The following MAP3K13 variants were observed in gnomAD, a reference collection of about 807,000 sequenced individuals.
MAP3K13 encodes mitogen-activated protein kinase kinase kinase 13, also known as leucine zipper-bearing kinase.
A neutral mutation model predicts 104.0 loss-of-function variants in MAP3K13; 52 were observed. The ratio of observed to expected loss-of-function variants is 0.50; its 90% CI spans 0.40 to 0.63. MAP3K13 has a LOEUF of 0.63. Among genes scored for constraint, MAP3K13 ranks in the 20% least tolerant of loss-of-function variants. The probability of loss-of-function intolerance (pLI) is 0.00; values close to 1 mark genes in which losing one functional copy is unlikely to be tolerated. For missense variants in MAP3K13, 914 were observed against 1,218.5 expected, an observed-to-expected ratio of 0.75 and a Z score of 3.72; for synonymous variants, 394 against 442.2, an observed-to-expected ratio of 0.89 and a Z score of 1.37.
chr3:185,453,882 GAT>G (rs1333206400), intron 7 of MAP3K13, among the ~76,000 whole-genome samples: 1 of 72,478 alleles, frequency 1.4e-5, no homozygotes, highest in Admixed American at 1.8e-4. Context: ...ATATATATGA[GAT>G]ATATATGTGA....
chr3:185,444,116 CTT>C (rs1715469892), intron 4 of MAP3K13, among the ~76,000 whole-genome samples: 1 of 152,146 alleles, frequency 6.6e-6, no homozygotes, highest in Admixed American at 6.5e-5. Flanking sequence ...GGGTGGATCA[CTT>C]GAGATCAGGA....
chr3:185,371,810 G>A (rs927340304), intron 1 of MAP3K13, among the ~76,000 whole-genome samples: 1 of 152,090 alleles, frequency 6.6e-6, no homozygotes, highest in South Asian at 2.1e-4. Flanking sequence ...CCTAAAGGGG[G>A]GCTGTCACAG....
intron 2 of MAP3K13, among the ~76,000 whole-genome samples, chr3:185,313,513 C>T (rs988345972): frequency 2.0e-5 from 3 of 151,918 alleles, no homozygotes; most frequent in Non-Finnish European, 4.4e-5. Flanking sequence ...TCGTGATCTG[C>T]CCACCTCGGC....
chr3:185,451,031 A>G (rs1349941125), intron 6 of MAP3K13, among the ~76,000 whole-genome samples: 1 of 152,208 alleles, frequency 6.6e-6, no homozygotes, highest in African/African-American at 2.4e-5. Flanking sequence ...CGGAGCTTGC[A>G]GTGAGCTGAG....
At chr3:185,342,220 C>T (rs546749293) in intron 2 of MAP3K13, among the ~76,000 whole-genome samples, 24 of 152,216 alleles carry the variant, frequency 1.6e-4, no homozygotes, top group African/African-American at 4.1e-4. Context: ...CATGCTGCTC[C>T]GAGATTCCTG....
intron 1 of MAP3K13, among the ~76,000 whole-genome samples, chr3:185,396,238 G>A (rs375224028): frequency 6.6e-6 from 1 of 152,044 alleles, no homozygotes; most frequent in African/African-American, 2.4e-5. Flanking sequence ...TGGCGTGGTG[G>A]TGCGCATCTG....
At position 185,465,750 on chromosome 3, in the gene MAP3K13, T is replaced by C. The variant is rs1717373496; in HGVS notation, c.1392T>C (p.His464=). Residue 464 remains histidine (H), a synonymous_variant, in exon 9 of 14, where the codon CAT becomes CAC. Coordinates refer to ENST00000265026, the MANE Select transcript of MAP3K13 (RefSeq NM_004721.5). ...LIRRRREELR[H]ALDIREHYER... is the part of the protein sequence containing the mutation. ...GACCCTGTGTTTTCTCTGACAGGCA[T>C]GCGCTGGATATTCGTGAACACTATG... 1 of 1,612,342 alleles carries C rather than the reference T, an allele frequency of 6.2e-7. No individual in the cohort carries two copies. The highest frequency in any genetic ancestry group is 8.5e-7 in the Non-Finnish European group (1 of 1,178,400).
chr3:185,482,558 G>T lies in MAP3K13; in HGVS notation c.*102G>T. The T allele has an allele frequency of 2.4e-6, 2 of 846,018 alleles. No homozygotes were observed. Among genetic ancestry groups the T allele is most frequent in the Non-Finnish European group, 3.9e-6 (2 of 514,310 alleles). 52.4% of individuals were successfully genotyped at this position (846,018 alleles called of 1,614,324 possible). A position where few individuals can be genotyped will look rare whatever the true frequency, so the allele number is the denominator to read the frequency against. ...TCTCTCCCAGCATTTTGTCTGGGAA[G>T]AGAGACTACCCCATCTTTACCACCC... On this transcript the variant is annotated 3_prime_UTR_variant, in exon 14 of 14. Coordinates refer to ENST00000265026, the MANE Select transcript of MAP3K13 (RefSeq NM_004721.5). The surrounding 1 kb of genome is among the most constrained non-coding windows in gnomAD (Gnocchi z 4.5).
intron 1 of MAP3K13, among the ~76,000 whole-genome samples, chr3:185,405,498 G>C (rs958673863): frequency 1.3e-5 from 2 of 152,292 alleles, no homozygotes; most frequent in Middle Eastern, 6.8e-3. Context: ...CTTCCAGACT[G>C]TTTGCTATTC....
At chr3:185,422,261 C>A (rs1257509722) in intron 1 of MAP3K13, among the ~76,000 whole-genome samples, 1 of 152,174 alleles carries the variant, frequency 6.6e-6, no homozygotes. Flanking sequence ...AACAACCATG[C>A]TAGTGGAAGG....
chr3:185,452,157 T>A (rs1312632329), intron 7 of MAP3K13, among the ~76,000 whole-genome samples: 1 of 152,150 alleles, frequency 6.6e-6, no homozygotes, highest in Non-Finnish European at 1.5e-5. Flanking sequence ...ACCTAGTAGC[T>A]CCAAGTAAGT....
chr3:185,351,916 T>C (rs746263825), intron 2 of MAP3K13, among the ~76,000 whole-genome samples: 1 of 152,194 alleles, frequency 6.6e-6, no homozygotes, highest in Non-Finnish European at 1.5e-5. Context: ...CTTCTATTTG[T>C]TCTGCCATTG....
At chr3:185,374,960 C>T (rs946568052) in intron 1 of MAP3K13, among the ~76,000 whole-genome samples, 2 of 152,146 alleles carry the variant, frequency 1.3e-5, no homozygotes, top group East Asian at 3.8e-4. Flanking sequence ...AACAGGACTT[C>T]ATCAGGGTGA....
At chr3:185,421,387 G>A (rs1449424842) in intron 1 of MAP3K13, among the ~76,000 whole-genome samples, 2 of 151,906 alleles carry the variant, frequency 1.3e-5, no homozygotes, top group African/African-American at 2.4e-5. Context: ...TAGTAGAGAT[G>A]GGGTTTCACC....
chr3:185,296,249 C>T (rs749206239), intron 2 of MAP3K13, among the ~76,000 whole-genome samples: 1 of 152,060 alleles, frequency 6.6e-6, no homozygotes, highest in Non-Finnish European at 1.5e-5. Context: ...GTCTCAAACA[C>T]ACAAACCAAA....
At chr3:185,397,950 A>G (rs1712527228) in intron 1 of MAP3K13, among the ~76,000 whole-genome samples, 2 of 152,180 alleles carry the variant, frequency 1.3e-5, no homozygotes, top group Non-Finnish European at 2.9e-5. Context: ...AGGGCTGCAC[A>G]TAAAGGGAAC....
Position 185,344,752 on chromosome 3 carries a change from A to G in MAP3K13, c.-86+59109A>G, listed in dbSNP as rs887074361. Among the ~76,000 whole-genome samples the G allele has an allele frequency of 2.0e-5, 3 of 152,318 alleles. No individual in the cohort carries two copies. The South Asian group carries it at 6.2e-4, about 32-fold the overall frequency. On this transcript the variant is annotated intron_variant, in intron 2 of 14. Transcript: ENST00000424227. ...CTTTCATTTCTAGCGACTGTTTCCC[A>G]CAGTGGCTGTTGAAACCTCTCTTGC...
intron 1 of MAP3K13, among the ~76,000 whole-genome samples, chr3:185,377,252 G>A (rs1248321958): frequency 6.6e-6 from 1 of 152,176 alleles, no homozygotes; most frequent in Admixed American, 6.5e-5. Flanking sequence ...GTGATAACAG[G>A]CTTTAATCCT....
rs994547484 is a variant in MAP3K13, at chr3:185,473,636, A to G, written c.2305A>G (p.Asn769Asp). ...KSPAHNPLLE[N>D]AQSSEKTEEN... ...ACCAGCACATAATCCTCTCTTGGAA[A>G]ACGCCCAGAGTTCTGAGAAAACGGA... The change falls in exon 11 of 14, where the codon AAC (asparagine) becomes GAC (aspartate). Residue 769 changes from asparagine (N) to aspartate (D), a missense_variant. Transcript: ENST00000265026. The surrounding 1 kb of genome is among the most constrained non-coding windows in gnomAD (Gnocchi z 4.9). The G allele has an allele frequency of 6.2e-7, 1 of 1,614,182 alleles. No homozygotes were observed. Among genetic ancestry groups the G allele is most frequent in the African/African-American group, 1.3e-5 (1 of 75,062 alleles).
Sources: gnomAD v4.1 joint callset for allele counts (sites outside exome capture counted in the v4.1 genomes callset) on GRCh38, gnomAD v4.1.1 for gene constraint, Gnocchi (gnomAD v3.1) non-coding constraint, MANE v1.5 for transcripts, NCBI Gene and HGNC (gene_info 2026-07-23, HGNC 2026-07-21) for gene names.